ADAMTS17: variants seen among roughly 807,000 people sequenced by gnomAD.
The protein encoded by ADAMTS17 is A disintegrin and metalloproteinase with thrombospondin motifs 17.
ADAMTS17 carries 113 observed loss-of-function variants against 141.5 expected under a neutral mutation model. That is an observed-to-expected ratio of 0.80 (90% CI 0.69 to 0.93). The LOEUF (loss-of-function observed/expected upper bound fraction) is 0.93. ADAMTS17 is among the 40% of genes least tolerant of loss of function. The pLI is 0.00. For synonymous variants in ADAMTS17, 768 were observed against 630.6 expected (o/e 1.22, Z -3.27); for missense variants, 1,659 against 1,517.9 (o/e 1.09, Z -1.54).
intron 15 of ADAMTS17, among the ~76,000 whole-genome samples, chr15:100,064,874 G>A (rs2127847): frequency 6.6e-6 from 1 of 151,996 alleles, no homozygotes; most frequent in African/African-American, 2.4e-5. Flanking sequence ...TTGGGATTTA[G>A]ACAAGCGTAT....
chr15:100,309,789 C>CG (rs2045345313), intron 3 of ADAMTS17, among the ~76,000 whole-genome samples: 1 of 152,222 alleles, frequency 6.6e-6, no homozygotes, highest in South Asian at 2.1e-4. Context: ...CCCACCCCAA[C>CG]TGCCTGGGGG....
intron 7 of ADAMTS17, among the ~76,000 whole-genome samples, chr15:100,222,360 T>C (rs1216009767): frequency 6.6e-6 from 1 of 152,112 alleles, no homozygotes; most frequent in East Asian, 1.9e-4. Context: ...CCCACGTAGA[T>C]GAAAGGGGCC....
In ADAMTS17 at chr15:100,052,473, G is replaced by T. The variant is rs185960545; in HGVS notation, c.2296-742C>A. ...GTAGTAGTTGCTTTCTCCGAGTTTT[G>T]TTCATCCTGGTCTGAATGAATCCAG... On this transcript the variant is annotated intron_variant, in intron 16 of 21. Transcript: ENST00000268070. Among the ~76,000 whole-genome samples the T allele has an allele frequency of 2.5e-3, 386 of 152,310 alleles. 3 individuals are homozygous for T. Among genetic ancestry groups the T allele is most frequent in the African/African-American group, 9.0e-3 (373 of 41,566 alleles).
In ADAMTS17 at chr15:100,132,031, C is replaced by T. The variant is rs758927075; in HGVS notation, c.1697G>A (p.Arg566Lys). The T allele has an allele frequency of 1.4e-5, 22 of 1,614,096 alleles. No individual in the cohort carries two copies. Among genetic ancestry groups the T allele is most frequent in the African/African-American group, 1.2e-4 (9 of 74,944 alleles). Residue 566 changes from arginine to lysine, a missense_variant, in exon 12 of 22, where the codon AGG becomes AAG. Coordinates refer to ENST00000268070, the MANE Select transcript of ADAMTS17 (RefSeq NM_139057.4). ...CGGGGGGTTGTCACATTTCCTCTGC[C>T]TGAAGCGGGCTCCCGTCCCACATGT... ...SRTCGTGARF[R>K]QRKCDNPPPG...
At chr15:100,185,850 G>A (rs770901424) in intron 8 of ADAMTS17, among the ~76,000 whole-genome samples, 3 of 152,132 alleles carry the variant, frequency 2.0e-5, no homozygotes, top group Admixed American at 6.5e-5. Context: ...GACTTCCCAC[G>A]CTGAACACAA....
intron 7 of ADAMTS17, among the ~76,000 whole-genome samples, chr15:100,201,646 G>C (rs775886123): frequency 9.9e-5 from 15 of 152,080 alleles, no homozygotes; most frequent in Non-Finnish European, 1.8e-4. Flanking sequence ...ATTTTTATTT[G>C]GAAACATGCA....
At chr15:100,277,640 C>G (rs897807710) in intron 4 of ADAMTS17, among the ~76,000 whole-genome samples, 1 of 152,176 alleles carries the variant, frequency 6.6e-6, no homozygotes, top group South Asian at 2.1e-4. Context: ...CAATGCAGCC[C>G]GTCATTAACC....
intron 3 of ADAMTS17, among the ~76,000 whole-genome samples, chr15:100,287,651 T>C (rs1472121629): frequency 6.6e-6 from 1 of 152,154 alleles, no homozygotes; most frequent in Non-Finnish European, 1.5e-5. Context: ...GTAGGTCACC[T>C]ACGAAGGGAA....
chr15:100,159,486 G>A (rs1458147504), intron 8 of ADAMTS17, among the ~76,000 whole-genome samples: 1 of 152,200 alleles, frequency 6.6e-6, no homozygotes, highest in Non-Finnish European at 1.5e-5. Flanking sequence ...TTGACTTAGG[G>A]TTTGATTTTC....
At chr15:100,013,910 G>A (rs2061236252) in intron 18 of ADAMTS17, among the ~76,000 whole-genome samples, 3 of 152,172 alleles carry the variant, frequency 2.0e-5, no homozygotes, top group Non-Finnish European at 4.4e-5. Flanking sequence ...GAATGAATGA[G>A]GGAGGGTTCT....
chr15:100,297,452 T>C (rs547413282), intron 3 of ADAMTS17, among the ~76,000 whole-genome samples: 1 of 152,090 alleles, frequency 6.6e-6, no homozygotes, highest in Non-Finnish European at 1.5e-5. Flanking sequence ...ACGGACAATA[T>C]CTGGACAAGG....
At chr15:100,141,896 G>A (rs1421652330) in intron 10 of ADAMTS17, among the ~76,000 whole-genome samples, 2 of 152,252 alleles carry the variant, frequency 1.3e-5, no homozygotes, top group African/African-American at 4.8e-5. Flanking sequence ...CTTTCAGCCT[G>A]GCATGCAAGT....
rs570488794 is a variant in ADAMTS17 at position 100,133,201 on chromosome 15, A to G, written c.1575+13T>C. 1 of 1,575,500 alleles carries G rather than the reference A, an allele frequency of 6.3e-7. No homozygotes were observed. Among genetic ancestry groups the G allele is most frequent in the African/African-American group, 1.3e-5 (1 of 74,430 alleles). ...GAGCTGCCTGTTGGGGGCAGTGGGA[A>G]GTCAGAGGTTACCTTGTCTGCCCCA... On this transcript the variant is annotated intron_variant, in intron 11 of 21. Coordinates refer to ENST00000268070, the MANE Select transcript of ADAMTS17 (RefSeq NM_139057.4).
chr15:100,261,473 T>A lies in ADAMTS17; in HGVS notation c.1031+6A>T. ...CATGTCAGCTACAGGCCAAATCCCA[T>A]CTTACCTGGTCACAAACACGGCAGC... is the stretch of plus-strand genomic sequence containing the variant. On this transcript the variant is annotated splice_donor_region_variant and intron_variant, in intron 6 of 21. Transcript: ENST00000268070. 1.2e-6 allele frequency: 2 copies of A among 1,613,942 alleles called. No homozygotes were observed. Among genetic ancestry groups the A allele is most frequent in the Non-Finnish European group, 1.7e-6 (2 of 1,180,006 alleles).
At chr15:100,052,821 G>A (rs73472500) in intron 16 of ADAMTS17, among the ~76,000 whole-genome samples, 2,069 of 152,266 alleles carry the variant, frequency 0.014, 49 homozygotes, top group African/African-American at 0.047. Context: ...TGAGAGGTGC[G>A]CTGGCAGATT....
At chr15:100,125,550 T>A (rs1404381998) in intron 12 of ADAMTS17, among the ~76,000 whole-genome samples, 2 of 152,168 alleles carry the variant, frequency 1.3e-5, no homozygotes, top group African/African-American at 2.4e-5. Context: ...CTGCACCTGC[T>A]GGGATGCAGC....
intron 8 of ADAMTS17, among the ~76,000 whole-genome samples, chr15:100,182,319 A>T (rs190639071): frequency 6.6e-6 from 1 of 152,296 alleles, no homozygotes; most frequent in East Asian, 1.9e-4. Context: ...TCACTATCGC[A>T]AGAACAGCAT....
In ADAMTS17 at chr15:99,983,361, A is replaced by C. The variant is rs534808696; in HGVS notation, c.2950-7139T>G. On this transcript the variant is annotated intron_variant, in intron 20 of 21. Transcript: ENST00000268070. ...ATGTGAGGTTTCAGAGCGTCCATGT[A>C]AGTCTTCCCAAGCCACACAGCTAGC... is the stretch of plus-strand genomic sequence containing the variant. 2.6e-5 allele frequency among the ~76,000 whole-genome samples: 4 copies of C among 152,152 alleles called. No individual in the cohort carries two copies. In the East Asian group the frequency reaches 7.7e-4, roughly 29 times the overall value.
intron 16 of ADAMTS17, among the ~76,000 whole-genome samples, chr15:100,052,721 C>T (rs758168965): frequency 5.3e-5 from 8 of 152,244 alleles, no homozygotes; most frequent in Non-Finnish European, 1.2e-4. Flanking sequence ...GACTAGGGAA[C>T]AATCTTATCC....
Sources: allele counts gnomAD v4.1 joint callset (sites outside exome capture counted in the v4.1 genomes callset), GRCh38; gene constraint gnomAD v4.1.1; transcripts MANE v1.5; gene names NCBI Gene and HGNC (gene_info 2026-07-23, HGNC 2026-07-21).